The following IQGAP2 variants were observed in gnomAD, a reference collection of about 807,000 sequenced individuals.
IQGAP2 encodes ras GTPase-activating-like protein IQGAP2.
In IQGAP2, 173 loss-of-function variants were observed where a neutral mutation model predicts 201.3. The observed-to-expected ratio is 0.86, with a 90% confidence interval of 0.76 to 0.98. The LOEUF is 0.98. Among genes scored for constraint, IQGAP2 ranks in the 50% least tolerant of loss-of-function variants. The probability of loss-of-function intolerance (pLI) is 0.00; values close to 1 mark genes in which losing one functional copy is unlikely to be tolerated. For missense variants in IQGAP2, 1,687 were observed against 1,864.8 expected (o/e 0.90, Z 1.76); for synonymous variants, 675 against 673.9 (o/e 1.00, Z -0.03).
intron 30 of IQGAP2, among the ~76,000 whole-genome samples, chr5:76,685,234 A>G (rs991126824): frequency 5.9e-5 from 9 of 152,130 alleles, no homozygotes; most frequent in African/African-American, 1.9e-4. Flanking sequence ...AAAGGGGGAG[A>G]AAGTCTACAC....
intron 13 of IQGAP2, among the ~76,000 whole-genome samples, chr5:76,622,169 GC>G (rs2150365242): frequency 6.7e-6 from 1 of 149,004 alleles, no homozygotes; most frequent in African/African-American, 2.6e-5. Context: ...TCCTTCAGAG[GC>G]CCCCGTTTTC....
At chr5:76,467,626 T>C (rs935494220) in intron 2 of IQGAP2, among the ~76,000 whole-genome samples, 14 of 152,240 alleles carry the variant, frequency 9.2e-5, no homozygotes, top group Middle Eastern at 3.4e-3. Context: ...CCAGCAATTA[T>C]CCTCCCAGGT....
intron 5 of IQGAP2, among the ~76,000 whole-genome samples, chr5:76,585,186 T>A (rs1746154318): frequency 6.6e-6 from 1 of 152,180 alleles, no homozygotes; most frequent in African/African-American, 2.4e-5. Flanking sequence ...ACCAATTAGT[T>A]TAGGCTTTGA....
intron 2 of IQGAP2, among the ~76,000 whole-genome samples, chr5:76,473,315 T>C (rs1755228123): frequency 6.6e-6 from 1 of 152,226 alleles, no homozygotes; most frequent in South Asian, 2.1e-4. Flanking sequence ...TGGCTATATA[T>C]GGCTATATAT....
chr5:76,655,313 A>C (rs1023043444), intron 20 of IQGAP2, among the ~76,000 whole-genome samples: 6 of 152,220 alleles, frequency 3.9e-5, no homozygotes, highest in Admixed American at 3.9e-4. Context: ...AATCTAATGC[A>C]AAAGAGTTAG....
chr5:76,429,603 TTTATATATATACATATATAA>T (rs1752235775), intron 1 of IQGAP2, among the ~76,000 whole-genome samples: 7 of 144,114 alleles, frequency 4.9e-5, no homozygotes, highest in Admixed American at 1.4e-4. Flanking sequence ...TATATGTATA[TTTATATATATACATATATAA>T]ATTTATATAT....
chr5:76,439,010 T>TTA (rs1752880245), intron 1 of IQGAP2, among the ~76,000 whole-genome samples: 1 of 121,132 alleles, frequency 8.3e-6, no homozygotes. Flanking sequence ...CGATTTTATC[T>TTA]TAGCACTGCT....
At chr5:76,525,829 T>C (rs1048658222) in intron 2 of IQGAP2, among the ~76,000 whole-genome samples, 21 of 152,228 alleles carry the variant, frequency 1.4e-4, no homozygotes, top group African/African-American at 4.3e-4. Context: ...TAATGACTTC[T>C]ATAGTTTTGA....
chr5:76,702,434 A>G (rs1242369494), intron 34 of IQGAP2, 48 bp from the exon 35 acceptor site: 3 of 853,838 alleles, frequency 3.5e-6, no homozygotes, highest in Non-Finnish European at 4.0e-6. Flanking sequence ...AGCTTTAAGC[A>G]CATCTGTATT....
intron 28 of IQGAP2, among the ~76,000 whole-genome samples, chr5:76,680,429 G>A (rs1386477383): frequency 8.5e-5 from 13 of 152,176 alleles, no homozygotes; most frequent in African/African-American, 3.1e-4. Context: ...GGATTAGGCA[G>A]TAGTTTCTTA....
At chr5:76,647,609 C>T (rs1471008100) in intron 17 of IQGAP2, among the ~76,000 whole-genome samples, 2 of 152,116 alleles carry the variant, frequency 1.3e-5, no homozygotes, top group African/African-American at 4.8e-5. Flanking sequence ...TTGCCTTCCA[C>T]CATGATTGTG....
Position 76,562,648 on chromosome 5 carries a change from G to C in IQGAP2, c.303+96G>C, listed in dbSNP as rs1446167750. 3.5e-6 allele frequency: 4 copies of C among 1,135,278 alleles called. No homozygotes were observed. The East Asian group carries it at 9.7e-5, about 27-fold the overall frequency. 70.3% of individuals were successfully genotyped at this position (1,135,278 alleles called of 1,614,324 possible). On this transcript the variant is annotated intron_variant, in intron 3 of 35. Coordinates refer to ENST00000274364, the MANE Select transcript of IQGAP2 (RefSeq NM_006633.5). Reference sequence around the variant, plus strand: ...CTTTTACTCTTAGTGTTTCTGTAAGGATTTGGGGGGCTGGGGGATGTCTTT... The same window carrying C: ...CTTTTACTCTTAGTGTTTCTGTAAGCATTTGGGGGGCTGGGGGATGTCTTT...
intron 2 of IQGAP2, among the ~76,000 whole-genome samples, chr5:76,527,133 C>T (rs1214985438): frequency 6.6e-6 from 1 of 152,140 alleles, no homozygotes. Flanking sequence ...CCAGATTTGT[C>T]GTCTCACTTA....
chr5:76,520,148 T>C (rs926161182), intron 2 of IQGAP2, among the ~76,000 whole-genome samples: 11 of 152,168 alleles, frequency 7.2e-5, no homozygotes, highest in Non-Finnish European at 1.5e-4. Flanking sequence ...TGTTTTTTTT[T>C]CCCAAGAGTT....
At chr5:76,515,221 C>G (rs1758239098) in intron 2 of IQGAP2, among the ~76,000 whole-genome samples, 1 of 152,196 alleles carries the variant, frequency 6.6e-6, no homozygotes, top group African/African-American at 2.4e-5. Context: ...ATGCTTGTTA[C>G]ATGACAAAGG....
chr5:76,517,791 T>C (rs1184682407), intron 2 of IQGAP2, among the ~76,000 whole-genome samples: 1 of 151,924 alleles, frequency 6.6e-6, no homozygotes, highest in African/African-American at 2.4e-5. Flanking sequence ...AAATGAGCTG[T>C]TGTAAGGGTT....
At chr5:76,606,041 C>A in intron 11 of IQGAP2, 138 bp from the exon 12 acceptor site, 1 of 634,178 alleles carries the variant, frequency 1.6e-6, no homozygotes, top group Non-Finnish European at 2.5e-6. Flanking sequence ...CAGAGCTACA[C>A]AAGACAATTT....
At chr5:76,609,130 A>G (rs1263471145) in intron 12 of IQGAP2, 1 of 1,535,868 alleles carries the variant, frequency 6.5e-7, no homozygotes, top group Non-Finnish European at 8.7e-7. Context: ...GCAGACAGCA[A>G]CTTTAGCAGG....
intron 14 of IQGAP2, among the ~76,000 whole-genome samples, chr5:76,630,986 C>T (rs1350771291): frequency 1.3e-5 from 2 of 152,116 alleles, no homozygotes; most frequent in Non-Finnish European, 2.9e-5. Flanking sequence ...TTGATGACAA[C>T]GAATTGTAAT....
Sources: allele counts gnomAD v4.1 joint callset (sites outside exome capture counted in the v4.1 genomes callset), GRCh38; gene constraint gnomAD v4.1.1; transcripts MANE v1.5; gene names NCBI Gene and HGNC (gene_info 2026-07-23, HGNC 2026-07-21).